The following TRIQK variants were observed in gnomAD, a reference collection of about 807,000 sequenced individuals.
The protein encoded by TRIQK is triple QxxK/R motif-containing protein.
TRIQK carries 10 observed loss-of-function variants against 10.8 expected under a neutral mutation model. That is an observed-to-expected ratio of 0.92 (90% CI 0.57 to 1.57). TRIQK has a LOEUF of 1.57. Ranked by LOEUF, TRIQK falls within the 40% of genes most tolerant of loss-of-function variation. The pLI is 0.00. For missense variants in TRIQK, 107 were observed against 97.7 expected (o/e 1.09, Z -0.40); for synonymous variants, 33 against 33.7 (o/e 0.98, Z 0.07).
intron 1 of TRIQK, among the ~76,000 whole-genome samples, chr8:92,955,568 A>T (rs1485497388): frequency 9.2e-5 from 14 of 151,808 alleles, no homozygotes; most frequent in Admixed American, 9.2e-4. Context: ...AATAAAAAAC[A>T]GACAAATTGA....
chr8:92,920,250 T>C (rs1373703596), intron 2 of TRIQK, among the ~76,000 whole-genome samples: 3 of 151,692 alleles, frequency 2.0e-5, no homozygotes, highest in African/African-American at 7.2e-5. Context: ...TAGCCTCAAT[T>C]ACAATATGTC....
chr8:92,890,240 GATTCT>G (rs945890331), intron 4 of TRIQK, among the ~76,000 whole-genome samples: 7 of 151,814 alleles, frequency 4.6e-5, no homozygotes, highest in African/African-American at 1.7e-4. Context: ...TCAAGGTTCT[GATTCT>G]AAAAAGTTTC....
chr8:92,948,062 T>C (rs1315170797), intron 2 of TRIQK, among the ~76,000 whole-genome samples: 1 of 152,146 alleles, frequency 6.6e-6, no homozygotes, highest in East Asian at 1.9e-4. Context: ...CTCACACACA[T>C]AAAAACACAC....
At chr8:92,925,135 G>T (rs754590647) in intron 2 of TRIQK, among the ~76,000 whole-genome samples, 1 of 151,942 alleles carries the variant, frequency 6.6e-6, no homozygotes, top group Non-Finnish European at 1.5e-5. Flanking sequence ...GCCAAACTAC[G>T]GAACTAAAAT....
chr8:93,016,088 T>C (rs947477242), intron 1 of TRIQK, among the ~76,000 whole-genome samples: 2 of 152,176 alleles, frequency 1.3e-5, no homozygotes, highest in African/African-American at 4.8e-5. Context: ...AAACTGATGA[T>C]CTTGAATGCT....
intron 2 of TRIQK, among the ~76,000 whole-genome samples, chr8:92,950,835 T>C (rs1811857369): frequency 6.6e-6 from 1 of 152,124 alleles, no homozygotes; most frequent in Non-Finnish European, 1.5e-5. Context: ...CCATAAATAT[T>C]CTACTTTTCT....
chr8:92,988,603 C>T (rs891203415), intron 1 of TRIQK, among the ~76,000 whole-genome samples: 1 of 152,122 alleles, frequency 6.6e-6, no homozygotes, highest in East Asian at 1.9e-4. Flanking sequence ...ATGAAATTAT[C>T]TCTGCTCTAC....
At chr8:92,918,321 C>A (rs1229670719) in intron 2 of TRIQK, among the ~76,000 whole-genome samples, 3 of 151,700 alleles carry the variant, frequency 2.0e-5, no homozygotes, top group Non-Finnish European at 4.4e-5. Flanking sequence ...AATGGTGTAC[C>A]AATTTACATT....
intron 3 of TRIQK, among the ~76,000 whole-genome samples, chr8:92,894,340 G>C (rs1390106129): frequency 1.3e-5 from 2 of 151,850 alleles, no homozygotes; most frequent in African/African-American, 4.8e-5. Context: ...TACCCAAAGA[G>C]GTTTTCAACA....
Position 92,926,597 on chromosome 8 carries a change from GA to G in TRIQK, c.-21-9588del, listed in dbSNP as rs1011719473. On this transcript the variant is annotated intron_variant, in intron 2 of 4. Coordinates refer to ENST00000521988, the MANE Select transcript of TRIQK (RefSeq NM_001171797.2). The stretch of plus-strand genomic sequence containing the variant: ...CAGAAAGTGAGAGGGTGAAAATACA[GA>G]AAAAAAAAGTATGAAAGCATAGAAT... 1.6e-3 allele frequency among the ~76,000 whole-genome samples: 237 copies of G among 149,842 alleles called. 1 individual carries two copies. The highest frequency in any genetic ancestry group is 5.0e-3 in the African/African-American group (203 of 40,906).
At chr8:93,013,838 T>C (rs917420989) in intron 1 of TRIQK, among the ~76,000 whole-genome samples, 4 of 152,154 alleles carry the variant, frequency 2.6e-5, no homozygotes, top group African/African-American at 7.2e-5. Flanking sequence ...TGTGCCCATA[T>C]AGAGGAAAGA....
intron 2 of TRIQK, among the ~76,000 whole-genome samples, chr8:92,919,610 T>C (rs893125298): frequency 6.6e-6 from 1 of 151,862 alleles, no homozygotes; most frequent in African/African-American, 2.4e-5. Flanking sequence ...TTTTTTTTAT[T>C]GTGTTCTTGT....
At chr8:92,988,000 CTTTTTTTTTTTT>C in intron 1 of TRIQK, among the ~76,000 whole-genome samples, 1 of 57,596 alleles carries the variant, frequency 1.7e-5, no homozygotes, top group Non-Finnish European at 3.0e-5. Context: ...TTTATACTTT[CTTTTTTTTTTTT>C]TTTTTTTTTT....
At chr8:92,927,671 T>C (rs557316908) in intron 2 of TRIQK, among the ~76,000 whole-genome samples, 2 of 152,156 alleles carry the variant, frequency 1.3e-5, no homozygotes, top group East Asian at 3.9e-4. Context: ...GTCATACATG[T>C]GAATCATGAG....
intron 3 of TRIQK, among the ~76,000 whole-genome samples, chr8:92,905,307 T>C (rs937279398): frequency 6.6e-6 from 1 of 152,174 alleles, no homozygotes; most frequent in Non-Finnish European, 1.5e-5. Context: ...AAACATGATG[T>C]TCAGTAGAAG....
intron 1 of TRIQK, among the ~76,000 whole-genome samples, chr8:92,998,152 A>G (rs1393993793): frequency 3.3e-5 from 5 of 152,008 alleles, no homozygotes; most frequent in African/African-American, 9.7e-5. Flanking sequence ...GACCCAACAC[A>G]GTACTTGACC....
intron 3 of TRIQK, among the ~76,000 whole-genome samples, chr8:92,905,585 T>C (rs1305200350): frequency 6.6e-6 from 1 of 152,170 alleles, no homozygotes; most frequent in East Asian, 1.9e-4. Context: ...TTCTTGTTTT[T>C]TAAACCTATA....
chr8:92,976,299 T>C (rs1812931503), intron 1 of TRIQK, among the ~76,000 whole-genome samples: 1 of 152,028 alleles, frequency 6.6e-6, no homozygotes, highest in African/African-American at 2.4e-5. Context: ...TCTTGAAGTT[T>C]TATCAGTTTT....
At chr8:92,930,422 A>AAT (rs1164233635) in intron 2 of TRIQK, among the ~76,000 whole-genome samples, 1 of 151,394 alleles carries the variant, frequency 6.6e-6, no homozygotes, top group Non-Finnish European at 1.5e-5. Context: ...AAAAGATTAC[A>AAT]ATAATATGAT....
Sources: gnomAD v4.1 joint callset for allele counts (sites outside exome capture counted in the v4.1 genomes callset) on GRCh38, gnomAD v4.1.1 for gene constraint, MANE v1.5 for transcripts, NCBI Gene and HGNC (gene_info 2026-07-23, HGNC 2026-07-21) for gene names.